Variants in METAP1D observed in about 807,000 individuals in gnomAD.
METAP1D encodes the protein methionyl aminopeptidase type 1D, mitochondrial.
Under a neutral mutation model 40.5 loss-of-function variants are expected in METAP1D, and 31 were observed. The ratio of observed to expected loss-of-function variants is 0.77; its 90% confidence interval spans 0.58 to 1.03. The LOEUF is 1.03. Among genes scored for constraint, METAP1D ranks in the 50% least tolerant of loss-of-function variants. METAP1D has a pLI of 0.00. For synonymous variants in METAP1D, 151 were observed against 146.4 expected (o/e 1.03, Z -0.22); for missense variants, 411 against 420.7 (o/e 0.98, Z 0.20).
At position 172,045,729 on chromosome 2, in the gene METAP1D, G is replaced by A. The variant is rs562566928; in HGVS notation, c.41-15769G>A. On this transcript the variant is annotated intron_variant, in intron 1 of 9. Transcript: ENST00000315796. Reference sequence around the variant, plus strand: ...TGTGTGTGTGTGTGTGTGTGTGTGTGTGTATATATATGTGTATATATGTAT... The same window carrying A: ...TGTGTGTGTGTGTGTGTGTGTGTGTATGTATATATATGTGTATATATGTAT... 2.7e-3 allele frequency among the ~76,000 whole-genome samples: 232 copies of A among 85,476 alleles called. 4 individuals are homozygous for A. The highest frequency in any genetic ancestry group is 8.3e-3 in the African/African-American group (219 of 26,370). 56.1% of individuals were successfully genotyped at this position (85,476 alleles called of 152,430 possible).
chr2:172,023,514 T>A (rs540812830), intron 1 of METAP1D, among the ~76,000 whole-genome samples: 1 of 152,192 alleles, frequency 6.6e-6, no homozygotes, highest in South Asian at 2.1e-4. Context: ...GAGAACCTCC[T>A]GGAAGGTTGA....
rs58889810 is a variant in METAP1D at position 172,059,111 on chromosome 2, C to CT, written c.41-2374dup. Among the ~76,000 whole-genome samples, 6,062 of 143,812 alleles carry CT rather than the reference C, an allele frequency of 0.042. 590 individuals are homozygous for CT. The East Asian group carries it at 0.44, about 11-fold the overall frequency. 94.3% of individuals were successfully genotyped at this position (143,812 alleles called of 152,430 possible). A position where few individuals can be genotyped will look rare whatever the true frequency, so the allele number is the denominator to read the frequency against. On this transcript the variant is annotated intron_variant, in intron 1 of 9. Coordinates refer to ENST00000315796, the MANE Select transcript of METAP1D (RefSeq NM_199227.3). ...CTTTTTTCTTTTTCTTTCTTTCTTT[C>CT]TTTTTTTTTTTTTCTGAGACAGAGT...
chr2:172,039,633 T>TG (rs1689468746), intron 1 of METAP1D, among the ~76,000 whole-genome samples: 1 of 151,888 alleles, frequency 6.6e-6, no homozygotes, highest in Admixed American at 6.6e-5. Context: ...GAGTTTTTTG[T>TG]GGGGTGGGGG....
intron 6 of METAP1D, among the ~76,000 whole-genome samples, chr2:172,073,015 A>C (rs887896932): frequency 6.6e-6 from 1 of 152,200 alleles, no homozygotes; most frequent in South Asian, 2.1e-4. Context: ...ACATAAATGT[A>C]CTGTCCATGG....
chr2:172,014,345 C>CA (rs1688801864), intron 1 of METAP1D, among the ~76,000 whole-genome samples: 1 of 152,120 alleles, frequency 6.6e-6, no homozygotes, highest in South Asian at 2.1e-4. Flanking sequence ...CTCTTGACCT[C>CA]AGGTGATTTG....
chr2:172,016,301 ATATATAT>A (rs1311134313), intron 1 of METAP1D, among the ~76,000 whole-genome samples: 31 of 33,996 alleles, frequency 9.1e-4, no homozygotes, highest in Non-Finnish European at 1.6e-3. Context: ...AAAAAAAAAA[ATATATAT>A]ATATATATAT....
intron 1 of METAP1D, among the ~76,000 whole-genome samples, chr2:172,036,458 C>T (rs1310371603): frequency 4.0e-5 from 6 of 149,920 alleles, no homozygotes; most frequent in Admixed American, 1.3e-4. Flanking sequence ...CTCCGCCTTC[C>T]GGGTTCACGC....
At chr2:172,006,082 TAAATA>T (rs1039185323) in intron 1 of METAP1D, among the ~76,000 whole-genome samples, 1 of 152,140 alleles carries the variant, frequency 6.6e-6, no homozygotes, top group Non-Finnish European at 1.5e-5. Context: ...TCACATTTTG[TAAATA>T]AAATATCAAT....
intron 4 of METAP1D, 24 bp downstream of exon 4, chr2:172,065,776 T>G (rs766519861): frequency 6.2e-7 from 1 of 1,606,272 alleles, no homozygotes; most frequent in South Asian, 1.1e-5. Flanking sequence ...AATAACATAT[T>G]GTTCCTTTGG....
intron 1 of METAP1D, among the ~76,000 whole-genome samples, chr2:172,053,127 C>T (rs1227884923): frequency 6.6e-6 from 1 of 152,134 alleles, no homozygotes; most frequent in Admixed American, 6.5e-5. Flanking sequence ...AACATTTGTA[C>T]AAGTTATGAA....
intron 1 of METAP1D, among the ~76,000 whole-genome samples, chr2:172,027,290 A>G (rs1689139752): frequency 6.6e-6 from 1 of 152,216 alleles, no homozygotes; most frequent in East Asian, 1.9e-4. Flanking sequence ...TTGGTCAACA[A>G]TGGACTGCAT....
chr2:172,013,539 A>G (rs1367899156), intron 1 of METAP1D, among the ~76,000 whole-genome samples: 4 of 152,158 alleles, frequency 2.6e-5, no homozygotes, highest in Admixed American at 1.3e-4. Context: ...AAATATGTCA[A>G]TATTAGGGTG....
intron 1 of METAP1D, among the ~76,000 whole-genome samples, chr2:172,002,521 A>G (rs1246579620): frequency 6.6e-6 from 1 of 152,178 alleles, no homozygotes; most frequent in Non-Finnish European, 1.5e-5. Context: ...ATTGGTTCCT[A>G]TAATCCATCC....
chr2:172,002,376 CTGTAT>C, intron 1 of METAP1D, among the ~76,000 whole-genome samples: 1 of 152,112 alleles, frequency 6.6e-6, no homozygotes. Context: ...TTTGCACCAA[CTGTAT>C]ATATAACATC....
intron 3 of METAP1D, among the ~76,000 whole-genome samples, chr2:172,064,680 C>A (rs1433674624): frequency 6.6e-6 from 1 of 151,558 alleles, no homozygotes; most frequent in East Asian, 1.9e-4. Context: ...ATCTGAAGCA[C>A]CCTTCTGTAT....
chr2:172,045,815 G>GTATA (rs1481007010), intron 1 of METAP1D, among the ~76,000 whole-genome samples: 328 of 24,138 alleles, frequency 0.014, 10 homozygotes, highest in Middle Eastern at 0.029. Flanking sequence ...GTGTGTGTGT[G>GTATA]TGTGTATATA....
rs897050023 is a variant in METAP1D, at chr2:172,020,231, C to T, written c.40+20222C>T. Among the ~76,000 whole-genome samples the T allele has an allele frequency of 2.6e-5, 4 of 152,190 alleles. No homozygotes were observed. In the East Asian group the frequency reaches 7.7e-4, roughly 29 times the overall value. ...TGATTTACTGACCTCATGATCCACC[C>T]GCCTCAGCCTCCCAAAGTGCTGGGA... On this transcript the variant is annotated intron_variant, in intron 1 of 9. Coordinates refer to ENST00000315796, the MANE Select transcript of METAP1D (RefSeq NM_199227.3).
chr2:172,031,675 A>G (rs1355514147), intron 1 of METAP1D, among the ~76,000 whole-genome samples: 1 of 152,174 alleles, frequency 6.6e-6, no homozygotes, highest in Non-Finnish European at 1.5e-5. Context: ...GGTTTTTGGC[A>G]AGAATACAAA....
At chr2:172,037,493 C>T (rs758717165) in intron 1 of METAP1D, among the ~76,000 whole-genome samples, 3 of 152,086 alleles carry the variant, frequency 2.0e-5, no homozygotes, top group Non-Finnish European at 2.9e-5. Flanking sequence ...TGAGTGATAG[C>T]TCAATTTATC....
Sources: gnomAD v4.1 joint callset for allele counts (sites outside exome capture counted in the v4.1 genomes callset) on GRCh38, gnomAD v4.1.1 for gene constraint, MANE v1.5 for transcripts, NCBI Gene and HGNC (gene_info 2026-07-23, HGNC 2026-07-21) for gene names.